PRH1: variants seen among roughly 807,000 people sequenced by gnomAD.
PRH1 encodes salivary acidic proline-rich phosphoprotein 1/2.
A neutral mutation model predicts 7.9 loss-of-function variants in PRH1; 7 were observed. The ratio of observed to expected loss-of-function variants is 0.89; its 90% CI spans 0.50 to 1.67. PRH1 has a LOEUF of 1.67. Among genes scored for constraint, PRH1 ranks in the 40% most tolerant of loss-of-function variants. The probability of loss-of-function intolerance (pLI) is 0.00; values close to 1 mark genes in which losing one functional copy is unlikely to be tolerated. For synonymous variants in PRH1, 45 were observed against 80.8 expected (o/e 0.56, Z 2.38); for missense variants, 109 against 223.6 (o/e 0.49, Z 3.27).
intron 2 of PRH1, among the ~76,000 whole-genome samples, chr12:10,920,098 T>C (rs977421325): frequency 2.0e-5 from 3 of 152,028 alleles, no homozygotes; most frequent in African/African-American, 7.3e-5. Context: ...CTCACTGTGT[T>C]GCTCAAGTGG....
chr12:11,087,184 C>T (rs1428512848), intron 1 of PRH1, among the ~76,000 whole-genome samples: 1 of 115,296 alleles, frequency 8.7e-6, no homozygotes, highest in African/African-American at 2.9e-5. Flanking sequence ...CCACTGCAGC[C>T]TTGAACTCCT....
chr12:10,882,180 G>A, intron 3 of PRH1, 37 bp downstream of exon 3: 3 of 1,610,384 alleles, frequency 1.9e-6, no homozygotes, highest in Non-Finnish European at 2.5e-6. Flanking sequence ...AACTGTAGCA[G>A]TTGGAGCCTT....
chr12:11,069,637 A>G (rs1364418869), intron 1 of PRH1, among the ~76,000 whole-genome samples: 1 of 152,216 alleles, frequency 6.6e-6, no homozygotes, highest in Admixed American at 6.5e-5. Context: ...GAAACGTCAG[A>G]ATCAATGAAA....
intron 1 of PRH1, among the ~76,000 whole-genome samples, chr12:11,092,774 G>A (rs1944971934): frequency 8.7e-6 from 1 of 115,208 alleles, no homozygotes; most frequent in Admixed American, 8.7e-5. Flanking sequence ...AATAAAACTG[G>A]GTGTGATTGC....
intron 2 of PRH1, among the ~76,000 whole-genome samples, chr12:10,972,958 C>A (rs1159022838): frequency 1.4e-5 from 2 of 138,242 alleles, no homozygotes; most frequent in Non-Finnish European, 3.1e-5. Flanking sequence ...CACACACACA[C>A]CACATGGATG....
chr12:11,036,047 C>T (rs947706334), intron 1 of PRH1, among the ~76,000 whole-genome samples: 3 of 152,132 alleles, frequency 2.0e-5, no homozygotes, highest in African/African-American at 7.2e-5. Flanking sequence ...GAGCCTGCCA[C>T]AACGCCTGGC....
At chr12:10,916,462 CTT>C (rs1462991758) in intron 2 of PRH1, among the ~76,000 whole-genome samples, 1 of 151,796 alleles carries the variant, frequency 6.6e-6, no homozygotes, top group African/African-American at 2.4e-5. Flanking sequence ...TTTAATGAGA[CTT>C]ATATTCTTCC....
At chr12:11,150,630 T>C (rs1214334007) in intron 1 of PRH1, among the ~76,000 whole-genome samples, 2 of 151,474 alleles carry the variant, frequency 1.3e-5, no homozygotes, top group South Asian at 4.2e-4. Flanking sequence ...TGAGAACACA[T>C]GGACACAGGA....
At chr12:11,153,520 A>G (rs909631545) in intron 1 of PRH1, among the ~76,000 whole-genome samples, 1 of 152,154 alleles carries the variant, frequency 6.6e-6, no homozygotes, top group Non-Finnish European at 1.5e-5. Context: ...TTGAACCCCT[A>G]AATTCTGCTG....
chr12:11,062,936 C>T (rs920571620), intron 1 of PRH1, among the ~76,000 whole-genome samples: 2 of 152,040 alleles, frequency 1.3e-5, no homozygotes, highest in Non-Finnish European at 2.9e-5. Context: ...CTCATAAATA[C>T]ACACACAAAC....
intron 1 of PRH1, among the ~76,000 whole-genome samples, chr12:10,989,172 A>G (rs761110651): frequency 8.6e-5 from 13 of 151,794 alleles, no homozygotes; most frequent in Non-Finnish European, 1.8e-4. Context: ...GGTTTTACCT[A>G]CTTTAAACCT....
At position 11,093,935 on chromosome 12, in the gene PRH1, G is replaced by C. The variant is rs1359174903; in HGVS notation, n.124-46747C>G. ...GAGAAACTATTGAAGTCAGATTGCC[G>C]CCACCTGATCCAGACTAAATTGGCA... On this transcript the variant is annotated intron_variant and non_coding_transcript_variant, in intron 1 of 4. Transcript: ENST00000541977. 2.6e-5 allele frequency among the ~76,000 whole-genome samples: 3 copies of C among 113,954 alleles called. 1 individual carries two copies. The South Asian group carries it at 7.2e-4, about 27-fold the overall frequency. The allele number at this position is 113,954 out of a possible 152,430, so 74.8% of individuals were successfully genotyped here.
At chr12:10,973,671 T>C (rs756537702) in exon 2 of PRH1, 13 of 779,644 alleles carry the variant, frequency 1.7e-5, no homozygotes, top group Non-Finnish European at 7.2e-6. Context: ...AAACTTCCAC[T>C]CTTGAGTAGA....
At chr12:10,984,306 T>TA (rs1012366872) in intron 1 of PRH1, among the ~76,000 whole-genome samples, 6 of 152,210 alleles carry the variant, frequency 3.9e-5, no homozygotes, top group African/African-American at 1.4e-4. Flanking sequence ...AGGGCTATCT[T>TA]AGAGTGGTAT....
At chr12:10,967,037 C>A (rs1268442382) in intron 2 of PRH1, among the ~76,000 whole-genome samples, 4 of 150,868 alleles carry the variant, frequency 2.7e-5, no homozygotes, top group African/African-American at 9.7e-5. Context: ...ATGGTGTGAA[C>A]CCCGGAGGCG....
chr12:11,113,876 T>C (rs146989333), intron 1 of PRH1, among the ~76,000 whole-genome samples: 26 of 152,226 alleles, frequency 1.7e-4, no homozygotes, highest in African/African-American at 6.3e-4. Flanking sequence ...AAAGAAGACA[T>C]TTATGTTCCC....
intron 1 of PRH1, among the ~76,000 whole-genome samples, chr12:11,014,552 T>C (rs1166402336): frequency 6.6e-6 from 1 of 152,078 alleles, no homozygotes; most frequent in Admixed American, 6.6e-5. Context: ...GCAAGCCTTT[T>C]CACTTCAAAG....
At chr12:10,937,991 T>TA (rs1234265265) in intron 2 of PRH1, 1 of 334,124 alleles carries the variant, frequency 3.0e-6, no homozygotes, top group Non-Finnish European at 5.4e-6. Context: ...TTTTCTCATT[T>TA]AAAAATCTCA....
intron 1 of PRH1, chr12:11,158,805 G>C (rs1220572664): frequency 1.3e-5 from 2 of 152,052 alleles, no homozygotes; most frequent in Non-Finnish European, 2.9e-5. Context: ...GCTTTTTTCA[G>C]AGAGAATTTA....
Sources: gnomAD v4.1 joint callset for allele counts (sites outside exome capture counted in the v4.1 genomes callset) on GRCh38, gnomAD v4.1.1 for gene constraint, MANE v1.5 for transcripts, NCBI Gene and HGNC (gene_info 2026-07-23, HGNC 2026-07-21) for gene names.